The following TNNI3K variants were observed in gnomAD, a reference collection of about 807,000 sequenced individuals.
TNNI3K encodes serine/threonine-protein kinase TNNI3K.
A neutral mutation model predicts 114.5 loss-of-function variants in TNNI3K; 140 were observed. That is an observed-to-expected ratio of 1.22 (90% CI 1.07 to 1.41). The LOEUF (loss-of-function observed/expected upper bound fraction) is 1.41. Ranked by LOEUF, TNNI3K falls within the 40% of genes most tolerant of loss-of-function variation. The probability of loss-of-function intolerance (pLI) is 0.00; values close to 1 mark genes in which losing one functional copy is unlikely to be tolerated. For synonymous variants in TNNI3K, 347 were observed against 347.5 expected, an observed-to-expected ratio of 1.00 and a Z score of 0.02; for missense variants, 1,125 against 1,007.6, an observed-to-expected ratio of 1.12 and a Z score of -1.58.
intron 19 of TNNI3K, 63 bp downstream of exon 19, chr1:74,436,589 G>A (rs903424698): frequency 2.0e-6 from 3 of 1,522,920 alleles, no homozygotes; most frequent in African/African-American, 2.9e-5. Context: ...CTCAGCATGA[G>A]AGGACGTAAG....
chr1:74,324,511 A>C (rs1659795691), intron 5 of TNNI3K, among the ~76,000 whole-genome samples: 1 of 152,214 alleles, frequency 6.6e-6, no homozygotes, highest in African/African-American at 2.4e-5. Flanking sequence ...GCTGGTCCCA[A>C]ATAAAACCAC....
chr1:74,409,681 A>G (rs1344102621), intron 17 of TNNI3K, among the ~76,000 whole-genome samples: 2 of 151,624 alleles, frequency 1.3e-5, no homozygotes, highest in Non-Finnish European at 2.9e-5. Flanking sequence ...TTTAGTGGAG[A>G]TGAGTTTTCA....
At chr1:74,482,478 C>A (rs764442920) in intron 21 of TNNI3K, among the ~76,000 whole-genome samples, 3 of 152,110 alleles carry the variant, frequency 2.0e-5, no homozygotes, top group African/African-American at 4.8e-5. Flanking sequence ...TGATTAGAAA[C>A]GATATACACA....
intron 1 of TNNI3K, 111 bp downstream of exon 1, chr1:74,235,602 C>A: frequency 1.7e-6 from 1 of 597,262 alleles, no homozygotes. Context: ...GAAGATAAGG[C>A]AGCATGTTTT....
chr1:74,476,788 A>G (rs143818778), intron 21 of TNNI3K, among the ~76,000 whole-genome samples: 317 of 152,296 alleles, frequency 2.1e-3, no homozygotes, highest in African/African-American at 7.1e-3. Context: ...GACTGGCTAC[A>G]CCATGTCTAG....
At chr1:74,268,662 C>A (rs539183829) in intron 4 of TNNI3K, among the ~76,000 whole-genome samples, 3 of 151,860 alleles carry the variant, frequency 2.0e-5, no homozygotes, top group Admixed American at 2.0e-4. Flanking sequence ...TTTATATAAT[C>A]AAGGAAATTA....
At chr1:74,408,090 C>T (rs1421502759) in intron 17 of TNNI3K, among the ~76,000 whole-genome samples, 2 of 152,188 alleles carry the variant, frequency 1.3e-5, no homozygotes, top group Admixed American at 1.3e-4. Context: ...TTCTCAAACA[C>T]TTCAAGTTGC....
At chr1:74,302,509 G>A (rs1658387269) in intron 5 of TNNI3K, among the ~76,000 whole-genome samples, 1 of 152,196 alleles carries the variant, frequency 6.6e-6, no homozygotes, top group African/African-American at 2.4e-5. Flanking sequence ...CAGCCAAGTT[G>A]TGAATGCAAA....
chr1:74,328,889 A>C (rs1048338063), intron 5 of TNNI3K, among the ~76,000 whole-genome samples: 2 of 152,094 alleles, frequency 1.3e-5, no homozygotes, highest in East Asian at 3.9e-4. Flanking sequence ...CTATATTTAA[A>C]ATAAGAGGAA....
intron 5 of TNNI3K, among the ~76,000 whole-genome samples, chr1:74,316,867 T>G (rs2100368994): frequency 6.6e-6 from 1 of 150,918 alleles, no homozygotes; most frequent in South Asian, 2.1e-4. Flanking sequence ...TTTTTTTTTT[T>G]TTTTTGTATT....
At chr1:74,266,001 G>A (rs1449892791) in intron 4 of TNNI3K, among the ~76,000 whole-genome samples, 1 of 151,964 alleles carries the variant, frequency 6.6e-6, no homozygotes, top group Non-Finnish European at 1.5e-5. Flanking sequence ...TTTCTTCTCT[G>A]AGGTATTCTG....
chr1:74,346,589 T>C (rs1199582019), intron 9 of TNNI3K, among the ~76,000 whole-genome samples: 1 of 151,364 alleles, frequency 6.6e-6, no homozygotes, highest in African/African-American at 2.4e-5. Context: ...CCTTTGTAGA[T>C]GGTGCTTGTT....
At chr1:74,387,323 G>A (rs947331140) in intron 17 of TNNI3K, among the ~76,000 whole-genome samples, 10 of 152,102 alleles carry the variant, frequency 6.6e-5, no homozygotes, top group Admixed American at 1.3e-4. Flanking sequence ...AGAAACAAGC[G>A]AATACATTTA....
Position 74,518,873 on chromosome 1 carries a change from C to CTTTTTTTTTTTTTTTTTTTTTTT in TNNI3K, c.2352-21361_2352-21360insTTTTTTTTTTTTTTTTTTTTTTT, listed in dbSNP as rs1646388103. ...TTTTATTTTATTTTATTTTTTTTCCCCTTTTTTTTTTTTTTTTTTTTATTA... is the reference window on the plus strand; with the variant it reads ...TTTTATTTTATTTTATTTTTTTTCCCTTTTTTTTTTTTTTTTTTTTTTTCTTTTTTTTTTTTTTTTTTTTATTA... On this transcript the variant is annotated intron_variant, in intron 23 of 24. Transcript: ENST00000326637. Among the ~76,000 whole-genome samples the CTTTTTTTTTTTTTTTTTTTTTTT allele has an allele frequency of 4.0e-5, 4 of 100,356 alleles. 1 individual carries two copies. The highest frequency in any genetic ancestry group is 3.5e-5 in the Non-Finnish European group (2 of 56,348). 65.8% of individuals were successfully genotyped at this position (100,356 alleles called of 152,430 possible). A position where few individuals can be genotyped will look rare whatever the true frequency, so the allele number is the denominator to read the frequency against.
chr1:74,391,957 A>ATTATTATTATTTT (rs1369570973), intron 17 of TNNI3K, among the ~76,000 whole-genome samples: 2 of 92,990 alleles, frequency 2.2e-5, no homozygotes, highest in Non-Finnish European at 4.4e-5. Context: ...ACAGCTTATT[A>ATTATTATTATTTT]TTTTTTTTTT....
chr1:74,355,113 T>A (rs1661581659), intron 11 of TNNI3K, among the ~76,000 whole-genome samples: 1 of 152,030 alleles, frequency 6.6e-6, no homozygotes, highest in South Asian at 2.1e-4. Flanking sequence ...TATAAAAAAA[T>A]GCCAGATTTT....
At chr1:74,436,265 C>A in intron 18 of TNNI3K, 133 bp downstream of exon 18, 1 of 1,266,358 alleles carries the variant, frequency 7.9e-7, no homozygotes, top group Non-Finnish European at 1.1e-6. Flanking sequence ...AGCTATCCTA[C>A]CATAAATCAT....
chr1:74,280,533 A>G (rs2100249788), intron 5 of TNNI3K, among the ~76,000 whole-genome samples: 1 of 152,296 alleles, frequency 6.6e-6, no homozygotes, highest in East Asian at 1.9e-4. Context: ...GAGAGAGAGC[A>G]AAGTGATTGT....
intron 17 of TNNI3K, chr1:74,373,560 G>T (rs1240074279): frequency 6.6e-6 from 1 of 151,890 alleles, no homozygotes; most frequent in Non-Finnish European, 1.5e-5. Context: ...TCTGAACTAA[G>T]CATTGTGTCT....
Sources: allele counts gnomAD v4.1 joint callset (sites outside exome capture counted in the v4.1 genomes callset), GRCh38; gene constraint gnomAD v4.1.1; transcripts MANE v1.5; gene names NCBI Gene and HGNC (gene_info 2026-07-23, HGNC 2026-07-21).